Variants in STX8 observed in about 807,000 individuals in gnomAD.
STX8 encodes syntaxin 8, also known as syntaxin-8.
STX8 carries 23 observed loss-of-function variants against 37.5 expected under a neutral mutation model. That is an observed-to-expected ratio of 0.61 (90% CI 0.44 to 0.87). The LOEUF is 0.87. Among genes scored for constraint, STX8 ranks in the 40% least tolerant of loss-of-function variants. The probability of loss-of-function intolerance (pLI) is 0.00; values close to 1 mark genes in which losing one functional copy is unlikely to be tolerated. For synonymous variants in STX8, 115 were observed against 99.1 expected (o/e 1.16, Z -0.95); for missense variants, 313 against 284.7 (o/e 1.10, Z -0.71).
intron 6 of STX8, among the ~76,000 whole-genome samples, chr17:9,448,735 T>G (rs931394977): frequency 1.3e-5 from 2 of 152,170 alleles, no homozygotes; most frequent in Non-Finnish European, 2.9e-5. Context: ...AACGCTGTAT[T>G]TCCCCTAAGA....
At chr17:9,444,680 C>A (rs1432955269) in intron 6 of STX8, among the ~76,000 whole-genome samples, 1 of 152,138 alleles carries the variant, frequency 6.6e-6, no homozygotes, top group African/African-American at 2.4e-5. Context: ...ATATATTTAT[C>A]TTCTATGTAT....
chr17:9,539,628 C>A (rs1375938653), intron 4 of STX8, among the ~76,000 whole-genome samples: 4 of 152,082 alleles, frequency 2.6e-5, no homozygotes, highest in Non-Finnish European at 5.9e-5. Context: ...AAGACACCTA[C>A]CCTCCACTCA....
chr17:9,484,489 G>A (rs976203018), intron 6 of STX8, among the ~76,000 whole-genome samples: 35 of 151,956 alleles, frequency 2.3e-4, no homozygotes, highest in Non-Finnish European at 4.0e-4. Flanking sequence ...GCAGGAGGGG[G>A]AAGGTATTCC....
intron 7 of STX8, among the ~76,000 whole-genome samples, chr17:9,346,090 G>A (rs1172470984): frequency 3.3e-5 from 5 of 152,128 alleles, no homozygotes; most frequent in Middle Eastern, 3.4e-3. Flanking sequence ...GACCTCAAGT[G>A]ATCTACCTGC....
rs115596215 is a variant in STX8, at chr17:9,409,016, C to G, written c.542-30363G>C. 9.2e-4 allele frequency among the ~76,000 whole-genome samples: 140 copies of G among 152,092 alleles called. 1 individual carries two copies. In the East Asian group the frequency reaches 0.013, roughly 15 times the overall value. On this transcript the variant is annotated intron_variant, in intron 6 of 7. Coordinates refer to ENST00000306357, the MANE Select transcript of STX8 (RefSeq NM_004853.3). Reference sequence around the variant, plus strand: ...TTAAGCCCAGGTTCTCCCTACCCCCCCTACTGCTCAGAACCTCTCTATTCC... The same window carrying G: ...TTAAGCCCAGGTTCTCCCTACCCCCGCTACTGCTCAGAACCTCTCTATTCC...
chr17:9,414,125 T>A (rs11658172), intron 6 of STX8, among the ~76,000 whole-genome samples: 17 of 16,300 alleles, frequency 1.0e-3, no homozygotes, highest in Middle Eastern at 0.031. Context: ...CATCCATCCA[T>A]CCAACCATCC....
At chr17:9,359,986 A>G (rs1219034646) in intron 7 of STX8, among the ~76,000 whole-genome samples, 1 of 151,998 alleles carries the variant, frequency 6.6e-6, no homozygotes, top group African/African-American at 2.4e-5. Context: ...AGAAGGTTAA[A>G]GAGCCCCTGA....
In STX8 at chr17:9,375,051, G is replaced by A. The variant is rs531614668; in HGVS notation, c.643+3501C>T. The stretch of plus-strand genomic sequence containing the variant: ...TGCACTCCAGCCAGGGTGACAGAGT[G>A]AGACTCTGTCTCAAAAAAAAAAAAA... On this transcript the variant is annotated intron_variant, in intron 7 of 7. Transcript: ENST00000306357. Among the ~76,000 whole-genome samples the A allele has an allele frequency of 6.3e-5, 8 of 126,226 alleles. 1 individual carries two copies. The East Asian group carries it at 2.1e-3, about 32-fold the overall frequency. The allele number at this position is 126,226 out of a possible 152,430, so 82.8% of individuals were successfully genotyped here. A position where few individuals can be genotyped will look rare whatever the true frequency, so the allele number is the denominator to read the frequency against.
chr17:9,469,441 C>T (rs1905757166), intron 6 of STX8, among the ~76,000 whole-genome samples: 1 of 151,982 alleles, frequency 6.6e-6, no homozygotes, highest in East Asian at 1.9e-4. Context: ...AAAACTGAGG[C>T]CTGATTACAG....
chr17:9,430,711 G>A (rs77432670), intron 6 of STX8, among the ~76,000 whole-genome samples: 26,437 of 148,196 alleles, frequency 0.18, 2,876 homozygotes, highest in Middle Eastern at 0.28. Flanking sequence ...GTGCAGTGGC[G>A]TGATCTTGGC....
At chr17:9,271,118 G>A (rs1319848324) in intron 7 of STX8, among the ~76,000 whole-genome samples, 2 of 152,342 alleles carry the variant, frequency 1.3e-5, no homozygotes, top group East Asian at 3.9e-4. Flanking sequence ...CTCACAGTGT[G>A]ACGTGGGACC....
chr17:9,434,099 G>A (rs770190102), intron 6 of STX8, among the ~76,000 whole-genome samples: 8 of 152,092 alleles, frequency 5.3e-5, no homozygotes, highest in Admixed American at 3.3e-4. Context: ...CGCCTCCCAG[G>A]TTCAAGCAAT....
At chr17:9,560,397 C>CA (rs36044353) in intron 2 of STX8, among the ~76,000 whole-genome samples, 5,622 of 93,292 alleles carry the variant, frequency 0.06, 583 homozygotes, top group African/African-American at 0.18. Context: ...GACTCCATCT[C>CA]AAAAAAAAAA....
intron 6 of STX8, among the ~76,000 whole-genome samples, chr17:9,471,223 C>G (rs1905853401): frequency 7.1e-6 from 1 of 141,636 alleles, no homozygotes; most frequent in Admixed American, 7.6e-5. Flanking sequence ...ATGATCTTGG[C>G]TCACTGCAAC....
chr17:9,416,431 A>G (rs142449805), intron 6 of STX8, among the ~76,000 whole-genome samples: 4,341 of 151,866 alleles, frequency 0.029, 223 homozygotes, highest in African/African-American at 0.099. Flanking sequence ...GTACAGTAGC[A>G]CGATCTCAGT....
intron 7 of STX8, among the ~76,000 whole-genome samples, chr17:9,273,858 G>A (rs945493120): frequency 7.9e-5 from 12 of 152,252 alleles, no homozygotes; most frequent in African/African-American, 2.4e-4. Context: ...TCAATGCAGC[G>A]GCTCTGTTGC....
At chr17:9,525,415 C>T (rs563069219) in intron 4 of STX8, among the ~76,000 whole-genome samples, 3 of 151,460 alleles carry the variant, frequency 2.0e-5, no homozygotes, top group Non-Finnish European at 2.9e-5. Context: ...GGCATGATCT[C>T]GGCTCACTGC....
At chr17:9,539,873 G>A (rs76823363) in intron 4 of STX8, among the ~76,000 whole-genome samples, 2,213 of 152,280 alleles carry the variant, frequency 0.015, 25 homozygotes, top group Non-Finnish European at 0.026. Flanking sequence ...AGATAGAGCT[G>A]AGCGTTCCCT....
chr17:9,493,474 C>G (rs1906944487), intron 5 of STX8, among the ~76,000 whole-genome samples: 1 of 152,184 alleles, frequency 6.6e-6, no homozygotes, highest in African/African-American at 2.4e-5. Context: ...AGCACACCCC[C>G]TCCTCGGGCA....
Sources: gnomAD v4.1 joint callset for allele counts (sites outside exome capture counted in the v4.1 genomes callset) on GRCh38, gnomAD v4.1.1 for gene constraint, MANE v1.5 for transcripts, NCBI Gene and HGNC (gene_info 2026-07-23, HGNC 2026-07-21) for gene names.